Variants in C4orf54 observed in about 807,000 individuals in gnomAD.
C4orf54 encodes uncharacterized protein C4orf54.
A neutral mutation model predicts 80.1 loss-of-function variants in C4orf54; 67 were observed. That is an observed-to-expected ratio of 0.84 (90% CI 0.69 to 1.03). The LOEUF is 1.03. Among genes scored for constraint, C4orf54 ranks in the 50% least tolerant of loss-of-function variants. The pLI, the probability that C4orf54 is intolerant of heterozygous loss-of-function variation, is 0.00. For missense variants in C4orf54, 2,434 were observed against 2,253.5 expected (o/e 1.08, Z -1.62); for synonymous variants, 1,000 against 917.0 (o/e 1.09, Z -1.64).
chr4:99,643,507 G>C (rs2851227), intron 2 of C4orf54, among the ~76,000 whole-genome samples: 148,431 of 152,228 alleles, frequency 0.98, 72,391 homozygotes, highest in East Asian at 1. Context: ...CCTTTACAGC[G>C]CACATTCTTC....
In C4orf54 at chr4:99,649,961, G is replaced by A. The variant is rs746313145; in HGVS notation, c.4688C>T (p.Pro1563Leu). 40 of 1,533,728 alleles carry A rather than the reference G, an allele frequency of 2.6e-5. No individual in the cohort carries two copies. The highest frequency in any genetic ancestry group is 1.9e-4 in the African/African-American group (14 of 72,948). ...CCCCTGTAGGGTGAAGGGCAGCGGC[G>A]GCTGGTGGTAGATGGTGGTGGGGGG... is the stretch of plus-strand genomic sequence containing the variant. The part of the protein sequence containing the change: ...EHPPTTIYHQ[P>L]PLPFTLQGAQ... The change falls in exon 2 of 3, where the codon CCG becomes CTG. Residue 1563 changes from proline to leucine, a missense_variant. Pro to Leu is a moderately conservative substitution (Grantham distance 98). Transcript: ENST00000511828.
chr4:99,654,007 G>C lies in C4orf54; in HGVS notation c.642C>G (p.Thr214=), dbSNP rs1169568355. ...TCTGACCCCCAGGGCAGTGCCCCAGGGTAAGTTTCATGGTCTGGGGACTCT... is the reference window on the plus strand; with the variant it reads ...TCTGACCCCCAGGGCAGTGCCCCAGCGTAAGTTTCATGGTCTGGGGACTCT... The part of the protein sequence containing the change: ...QRESPQTMKL[T]LGHCPGGQRA... The change falls in exon 2 of 3, where the codon ACC becomes ACG. Residue 214 remains threonine, a synonymous_variant. Transcript: ENST00000511828. The C allele has an allele frequency of 6.5e-7, 1 of 1,536,078 alleles. No homozygotes were observed. Among genetic ancestry groups the C allele is most frequent in the Non-Finnish European group, 8.7e-7 (1 of 1,146,896 alleles).
chr4:99,653,288 C>A lies in C4orf54; in HGVS notation c.1361G>T (p.Arg454Leu), dbSNP rs746236838. 3.9e-6 allele frequency: 6 copies of A among 1,529,822 alleles called. No homozygotes were observed. In the East Asian group the frequency reaches 7.4e-5, roughly 19 times the overall value. The allele number at this position is 1,529,822 out of a possible 1,614,324, so 94.8% of individuals were successfully genotyped here. The change falls in exon 2 of 3, where the codon CGC (arginine) becomes CTC (leucine). Residue 454 changes from arginine to leucine, a missense_variant. Physicochemically the swap from Arg to Leu is moderately radical, Grantham distance 102 (BLOSUM62 -2). Coordinates refer to ENST00000511828, the MANE Select transcript of C4orf54 (RefSeq NM_001354435.2). ...GCGGCCACTGCGGCCTGCATTGGGG[C>A]GGGCCAGGTCGCTGCTTGTAGGGCT... ...TPSPTSSDLARPNAGRSGRDT... is the reference protein window; with the variant it reads ...TPSPTSSDLALPNAGRSGRDT...
chr4:99,648,761 T>C (rs1235405391), intron 2 of C4orf54, among the ~76,000 whole-genome samples: 1 of 152,210 alleles, frequency 6.6e-6, no homozygotes, highest in Non-Finnish European at 1.5e-5. Context: ...AGAAAACATC[T>C]GTCTTTGCTT....
At position 99,649,355 on chromosome 4, in the gene C4orf54, C is replaced by T; in HGVS notation, c.5294G>A (p.Ser1765Asn). 6.5e-7 allele frequency: 1 copy of T among 1,536,140 alleles called. No individual in the cohort carries two copies. The highest frequency in any genetic ancestry group is 8.7e-7 in the Non-Finnish European group (1 of 1,146,912). Residue 1765 changes from serine (S) to asparagine (N), a missense_variant, in exon 2 of 3, where the codon AGC (serine) becomes AAC (asparagine). By Grantham distance (46) the Ser-to-Asn change is conservative (BLOSUM62 1). Transcript: ENST00000511828. ...FAQLHGKPVI[S>N]ITSQPLGPRI... Reference sequence around the variant, plus strand: ...TGGCCCCAGGGGCTGCGAAGTAATGCTGATGACAGGCTTGCCATGCAGCTG... The same window carrying T: ...TGGCCCCAGGGGCTGCGAAGTAATGTTGATGACAGGCTTGCCATGCAGCTG...
At position 99,649,794 on chromosome 4, in the gene C4orf54, C is replaced by T. The variant is rs1201950390; in HGVS notation, c.4855G>A (p.Gly1619Ser). 15 of 1,536,104 alleles carry T rather than the reference C, an allele frequency of 9.8e-6. No individual in the cohort carries two copies. Among genetic ancestry groups the T allele is most frequent in the Non-Finnish European group, 1.3e-5 (15 of 1,146,912 alleles). The change falls in exon 2 of 3, where the codon GGC becomes AGC. Residue 1619 changes from glycine to serine, a missense_variant. By Grantham distance (56) the Gly-to-Ser change is moderately conservative (BLOSUM62 0). Coordinates refer to ENST00000511828, the MANE Select transcript of C4orf54 (RefSeq NM_001354435.2). ...QRKMLLDVTT[G>S]QYYLVDTPVQ... ...GGTGTGTCCACCAGATAGTACTGGCCTGTTGTCACATCCAGGAGCATCTTA... is the reference window on the plus strand; with the variant it reads ...GGTGTGTCCACCAGATAGTACTGGCTTGTTGTCACATCCAGGAGCATCTTA...
intron 2 of C4orf54, among the ~76,000 whole-genome samples, chr4:99,641,678 G>A (rs1726609391): frequency 6.6e-6 from 1 of 152,084 alleles, no homozygotes; most frequent in African/African-American, 2.4e-5. Flanking sequence ...AGTACATTTT[G>A]TTCAAAATAA....
At position 99,636,848 on chromosome 4, in the gene C4orf54, T is replaced by A. The variant is rs1412771635; in HGVS notation, c.*4385A>T. 1 of 152,156 alleles carries A rather than the reference T, an allele frequency of 6.6e-6. No individual in the cohort carries two copies. The highest frequency in any genetic ancestry group is 1.5e-5 in the Non-Finnish European group (1 of 68,008). The allele number at this position is 152,156 out of a possible 1,614,324, so 9.4% of individuals were successfully genotyped here. On this transcript the variant is annotated 3_prime_UTR_variant, in exon 3 of 3. Coordinates refer to ENST00000511828, the MANE Select transcript of C4orf54 (RefSeq NM_001354435.2). The stretch of plus-strand genomic sequence containing the variant: ...GAACTTTTCCACCAAGATTCCTACG[T>A]TGAGAGCAGTTTAAAATTTCACATT...
Position 99,649,692 on chromosome 4 carries a change from G to C in C4orf54, c.4957C>G (p.Gln1653Glu), listed in dbSNP as rs1035328622. ...GAGATGGACATGGGAGCCACAGCCT[G>C]CTGCTGGGAGGTCATGGGCACATCC... ...YVDVPMTSQQ[Q>E]AVAPMSISVP... The change falls in exon 2 of 3, where the codon CAG becomes GAG. Residue 1653 changes from glutamine (Q) to glutamate (E), a missense_variant. Gln to Glu is a conservative substitution (Grantham distance 29). Coordinates refer to ENST00000511828, the MANE Select transcript of C4orf54 (RefSeq NM_001354435.2). 2 of 1,536,214 alleles carry C rather than the reference G, an allele frequency of 1.3e-6. No homozygotes were observed. Among genetic ancestry groups the C allele is most frequent in the Non-Finnish European group, 8.7e-7 (1 of 1,146,926 alleles).
chr4:99,650,199 G>T lies in C4orf54; in HGVS notation c.4450C>A (p.Leu1484Ile). 6.5e-7 allele frequency: 1 copy of T among 1,536,046 alleles called. No homozygotes were observed. Among genetic ancestry groups the T allele is most frequent in the Non-Finnish European group, 8.7e-7 (1 of 1,146,876 alleles). Residue 1484 changes from leucine (L) to isoleucine (I), a missense_variant, in exon 2 of 3, where the codon CTT becomes ATT. By Grantham distance (5) the Leu-to-Ile change is conservative (BLOSUM62 2). Coordinates refer to ENST00000511828, the MANE Select transcript of C4orf54 (RefSeq NM_001354435.2). ...CTGGAAGCCCCAGGCCTGCTAAGAAGCTCCCCTGCAGCAGAGCTTCCTTTA... is the reference window on the plus strand; with the variant it reads ...CTGGAAGCCCCAGGCCTGCTAAGAATCTCCCCTGCAGCAGAGCTTCCTTTA... ...PLKGSSAAGELLSRPGASREG... is the reference protein window; with the variant it reads ...PLKGSSAAGEILSRPGASREG...
chr4:99,653,965 T>C lies in C4orf54; in HGVS notation c.684A>G (p.Pro228=), dbSNP rs1464678704. ...CPGGQRASRS[P]KEKAQDEPSS... ...TGGGTTCATCTTGGGCTTTCTCCTT[T>C]GGGCTCCTAGAGGCCCTCTGACCCC... Residue 228 remains proline, a synonymous_variant, in exon 2 of 3, where the codon CCA becomes CCG. Coordinates refer to ENST00000511828, the MANE Select transcript of C4orf54 (RefSeq NM_001354435.2). 5 of 1,536,230 alleles carry C rather than the reference T, an allele frequency of 3.3e-6. No individual in the cohort carries two copies. The highest frequency in any genetic ancestry group is 4.4e-6 in the Non-Finnish European group (5 of 1,146,906).
rs1487997302 is a variant in C4orf54, at chr4:99,637,231, C to A, written c.*4002G>T. On this transcript the variant is annotated 3_prime_UTR_variant, in exon 3 of 3. Coordinates refer to ENST00000511828, the MANE Select transcript of C4orf54 (RefSeq NM_001354435.2). The stretch of plus-strand genomic sequence containing the variant: ...CAGATGTGTGTGTTTTATTCTGCAC[C>A]ATTATGAATTAAACAGGAATAAATC... 1 of 152,104 alleles carries A rather than the reference C, an allele frequency of 6.6e-6. No homozygotes were observed. Among genetic ancestry groups the A allele is most frequent in the African/African-American group, 2.4e-5 (1 of 41,424 alleles). The allele number at this position is 152,104 out of a possible 1,614,324, so 9.4% of individuals were successfully genotyped here.
chr4:99,648,803 G>C (rs951419507), intron 2 of C4orf54, among the ~76,000 whole-genome samples: 2 of 152,188 alleles, frequency 1.3e-5, no homozygotes, highest in African/African-American at 4.8e-5. Flanking sequence ...ACAGATTGAA[G>C]GGGTTTCCAA....
chr4:99,644,819 T>G (rs1578268846), intron 2 of C4orf54, among the ~76,000 whole-genome samples: 1 of 143,842 alleles, frequency 7.0e-6, no homozygotes, highest in Non-Finnish European at 1.5e-5. Flanking sequence ...CTAAATCAAG[T>G]TGAAGTGAAT....
chr4:99,652,324 G>C lies in C4orf54; in HGVS notation c.2325C>G (p.Pro775=), dbSNP rs778926663. 2.0e-6 allele frequency: 3 copies of C among 1,535,686 alleles called. No homozygotes were observed. Among genetic ancestry groups the C allele is most frequent in the African/African-American group, 2.7e-5 (2 of 73,006 alleles). The part of the protein sequence containing the change: ...APGPGRATKG[P]GKGPGSAYTD... ...TGTATGCCGACCCGGGACCCTTGCC[G>C]GGGCCTTTGGTGGCCCTGCCGGGCC... The change falls in exon 2 of 3, where the codon CCC becomes CCG. Residue 775 remains proline (P), a synonymous_variant. Coordinates refer to ENST00000511828, the MANE Select transcript of C4orf54 (RefSeq NM_001354435.2).
chr4:99,643,794 C>CA (rs1560634918), intron 2 of C4orf54, among the ~76,000 whole-genome samples: 1,552 of 64,688 alleles, frequency 0.024, 11 homozygotes, highest in South Asian at 0.033. Context: ...ACACACACAC[C>CA]CCCTCCGCGG....
chr4:99,656,026 C>T (rs1726972749), intron 1 of C4orf54, among the ~76,000 whole-genome samples: 1 of 152,162 alleles, frequency 6.6e-6, no homozygotes, highest in Non-Finnish European at 1.5e-5. Flanking sequence ...GTGGACAACA[C>T]AAGCCTGCCG....
chr4:99,650,999 A>T lies in C4orf54; in HGVS notation c.3650T>A (p.Leu1217Gln). The T allele has an allele frequency of 2.0e-6, 3 of 1,536,046 alleles. No individual in the cohort carries two copies. The highest frequency in any genetic ancestry group is 2.6e-6 in the Non-Finnish European group (3 of 1,146,884). Reference protein sequence around the residue: ...APNKPEQGSYLPVLKIVSKAS... With the variant: ...APNKPEQGSYQPVLKIVSKAS... ...CTTGGAGACAATCTTGAGCACAGGCAGGTATGAGCCCTGCTCGGGCTTATT... is the reference window on the plus strand; with the variant it reads ...CTTGGAGACAATCTTGAGCACAGGCTGGTATGAGCCCTGCTCGGGCTTATT... The change falls in exon 2 of 3, where the codon CTG becomes CAG. Residue 1217 changes from leucine to glutamine, a missense_variant. Physicochemically the swap from Leu to Gln is moderately radical, Grantham distance 113. Coordinates refer to ENST00000511828, the MANE Select transcript of C4orf54 (RefSeq NM_001354435.2).
intron 2 of C4orf54, 50 bp downstream of exon 2, chr4:99,649,181 A>G: frequency 2.1e-6 from 3 of 1,411,074 alleles, no homozygotes; most frequent in Non-Finnish European, 2.8e-6. Context: ...AAACAAAAAA[A>G]TATTGTTCTT....
Sources: allele counts gnomAD v4.1 joint callset (sites outside exome capture counted in the v4.1 genomes callset), GRCh38; gene constraint gnomAD v4.1.1; transcripts MANE v1.5; gene names NCBI Gene and HGNC (gene_info 2026-07-23, HGNC 2026-07-21).